NALF2: variants seen among roughly 807,000 people sequenced by gnomAD.
The protein encoded by NALF2 is bB57D9.1 (TED protein).
Under a neutral mutation model 24.8 loss-of-function variants are expected in NALF2, and 1 was observed. The observed-to-expected ratio is 0.04, with a 90% CI of 0.01 to 0.19. NALF2 has a LOEUF of 0.19. Ranked by LOEUF, NALF2 falls within the 10% of genes least tolerant of loss-of-function variation. The pLI, the probability that NALF2 is intolerant of heterozygous loss-of-function variation, is 1.00. For missense variants in NALF2, 458 were observed against 409.6 expected (o/e 1.12, Z -1.02); for synonymous variants, 254 against 189.8 (o/e 1.34, Z -2.78).
In NALF2 at chrX:69,505,246, G is replaced by A; in HGVS notation, c.-37G>A. 1 of 1,112,275 alleles carries A rather than the reference G, an allele frequency of 9.0e-7. No homozygotes were observed. The highest frequency in any genetic ancestry group is 2.1e-5 in the South Asian group (1 of 46,668). 91.7% of individuals were successfully genotyped at this position (1,112,275 alleles called of 1,213,427 possible). A position where few individuals can be genotyped will look rare whatever the true frequency, so the allele number is the denominator to read the frequency against. On this transcript the variant is annotated 5_prime_UTR_variant, in exon 1 of 3. Transcript: ENST00000252338. ...GCCCCAGACGGCCGTCTGGCCTCGC[G>A]CCTGCCTGTTCCCTCCAGCCCGGAC...
chrX:69,517,933 T>G, intron 1 of NALF2, among the ~76,000 whole-genome samples: 1 of 112,711 alleles, frequency 8.9e-6, no homozygotes, highest in Non-Finnish European at 1.9e-5. Flanking sequence ...GGCTGGAGAT[T>G]GCTTCCTGGG....
At chrX:69,507,333 G>A (rs773424414) in intron 1 of NALF2, among the ~76,000 whole-genome samples, 15 of 111,342 alleles carry the variant, frequency 1.3e-4, no homozygotes, top group Non-Finnish European at 2.8e-4. Flanking sequence ...TGGGGCAGAG[G>A]GTTGGGAAGG....
At chrX:69,515,639 G>A in intron 1 of NALF2, among the ~76,000 whole-genome samples, 1 of 112,024 alleles carries the variant, frequency 8.9e-6, no homozygotes, top group Middle Eastern at 4.6e-3. Context: ...TTGTTTATAG[G>A]CCATTTGTCT....
chrX:69,518,368 G>A (rs730138), intron 1 of NALF2, among the ~76,000 whole-genome samples: 7,233 of 110,946 alleles, frequency 0.065, 255 homozygotes, highest in Middle Eastern at 0.11. Flanking sequence ...CTTTATCAAA[G>A]TACTGTATTT....
At chrX:69,509,294 A>G (rs909422942) in intron 1 of NALF2, among the ~76,000 whole-genome samples, 2 of 109,310 alleles carry the variant, frequency 1.8e-5, no homozygotes, top group East Asian at 5.8e-4. Flanking sequence ...GGCCATAGCT[A>G]GGGTTACTGG....
At chrX:69,524,100 C>CTTTT (rs1202940165) in intron 1 of NALF2, among the ~76,000 whole-genome samples, 2 of 93,928 alleles carry the variant, frequency 2.1e-5, no homozygotes, top group South Asian at 5.0e-4. Flanking sequence ...TATTTTTTTT[C>CTTTT]TTTTTTTTTT....
chrX:69,516,547 T>G (rs1930664048), intron 1 of NALF2, among the ~76,000 whole-genome samples: 2 of 112,064 alleles, frequency 1.8e-5, no homozygotes, highest in African/African-American at 6.5e-5. Context: ...TCTGAAGGAA[T>G]GGACTCTGGC....
intron 1 of NALF2, among the ~76,000 whole-genome samples, chrX:69,515,952 C>T (rs1930655537): frequency 8.9e-6 from 1 of 112,214 alleles, no homozygotes; most frequent in African/African-American, 3.2e-5. Context: ...TAAGCTCATC[C>T]AGCTAGTAAG....
chrX:69,527,441 T>C (rs1051658103), intron 1 of NALF2, among the ~76,000 whole-genome samples: 1 of 111,357 alleles, frequency 9.0e-6, no homozygotes, highest in African/African-American at 3.3e-5. Flanking sequence ...ATTTGTAGTT[T>C]AGTGAAAATG....
chrX:69,513,518 TAAG>T (rs994376976), intron 1 of NALF2, among the ~76,000 whole-genome samples: 59 of 112,547 alleles, frequency 5.2e-4, no homozygotes, highest in African/African-American at 1.7e-3. Context: ...TATTTGGTTT[TAAG>T]AAGATAGCAT....
At chrX:69,529,334 G>C (rs1268643675) in intron 2 of NALF2, among the ~76,000 whole-genome samples, 170 bp downstream of exon 2, 14 of 111,387 alleles carry the variant, frequency 1.3e-4, no homozygotes. Flanking sequence ...AAGTGGAATA[G>C]GGAAAAAGAC....
At chrX:69,517,689 G>C (rs1352542386) in intron 1 of NALF2, among the ~76,000 whole-genome samples, 1 of 111,943 alleles carries the variant, frequency 8.9e-6, no homozygotes, top group Non-Finnish European at 1.9e-5. Flanking sequence ...CAGAAGGCAA[G>C]TGGAGGGATT....
Position 69,532,163 on chromosome X carries a change from C to T in NALF2, c.*2207C>T, listed in dbSNP as rs1305572492. On this transcript the variant is annotated 3_prime_UTR_variant, in exon 3 of 3. Transcript: ENST00000252338. The stretch of plus-strand genomic sequence containing the variant: ...CATTTGACTGCCCCCATCCACCCCA[C>T]CACCCTAATCTTCCACCACCTCTCC... 8.9e-6 allele frequency: 1 copy of T among 112,777 alleles called. No individual in the cohort carries two copies. Among genetic ancestry groups the T allele is most frequent in the African/African-American group, 3.2e-5 (1 of 30,883 alleles). 9.3% of individuals were successfully genotyped at this position (112,777 alleles called of 1,213,427 possible). A position where few individuals can be genotyped will look rare whatever the true frequency, so the allele number is the denominator to read the frequency against.
At chrX:69,507,071 C>T (rs908430645) in intron 1 of NALF2, among the ~76,000 whole-genome samples, 5 of 111,934 alleles carry the variant, frequency 4.5e-5, no homozygotes, top group South Asian at 3.8e-4. Flanking sequence ...CCCAGCCTGG[C>T]CAGGTGACCT....
rs1332488580 is a variant in NALF2, at chrX:69,531,127, A to G, written c.*1171A>G. On this transcript the variant is annotated 3_prime_UTR_variant, in exon 3 of 3. Transcript: ENST00000252338. ...ACCCTGTCCCCGTCCCCAGCCTACC[A>G]AAGAGTATTCACACCTTTCCATCCC... 8.9e-6 allele frequency: 1 copy of G among 111,833 alleles called. No homozygotes were observed. Among genetic ancestry groups the G allele is most frequent in the Non-Finnish European group, 1.9e-5 (1 of 53,016 alleles). The allele number at this position is 111,833 out of a possible 1,213,427, so 9.2% of individuals were successfully genotyped here. A position where few individuals can be genotyped will look rare whatever the true frequency, so the allele number is the denominator to read the frequency against.
chrX:69,514,476 G>A (rs968538962), intron 1 of NALF2, among the ~76,000 whole-genome samples: 3 of 111,373 alleles, frequency 2.7e-5, no homozygotes, highest in Admixed American at 9.5e-5. Context: ...GTTGGTGGGC[G>A]TTTGGATTAT....
Position 69,505,526 on chromosome X carries a change from TG to T in NALF2, c.250del (p.Ala84ProfsTer38). On this transcript the variant is annotated frameshift_variant, in exon 1 of 3. Coordinates refer to ENST00000252338, the MANE Select transcript of NALF2 (RefSeq NM_015686.3). LOFTEE classifies it high-confidence loss of function. ...RELSSAMRPP[W>X]GAGRERQPVP... is the part of the protein sequence containing the mutation. ...GCTGAGCAGCGCCATGCGGCCCCCA[TG>T]GGGGGCCGGCCGGGAGCGGCAGCCG... The T allele has an allele frequency of 2.1e-6, 2 of 967,658 alleles. No individual in the cohort carries two copies. The highest frequency in any genetic ancestry group is 2.6e-6 in the Non-Finnish European group (2 of 778,793). 79.7% of individuals were successfully genotyped at this position (967,658 alleles called of 1,213,427 possible).
intron 1 of NALF2, among the ~76,000 whole-genome samples, chrX:69,506,539 C>T: frequency 8.8e-6 from 1 of 113,291 alleles, no homozygotes. Flanking sequence ...CTGGGACTGG[C>T]TGGTGCAGGG....
At chrX:69,520,427 C>T (rs1930718052) in intron 1 of NALF2, among the ~76,000 whole-genome samples, 1 of 111,757 alleles carries the variant, frequency 8.9e-6, no homozygotes, top group Non-Finnish European at 1.9e-5. Context: ...CATGTCACCT[C>T]AACTCACACT....
Sources: allele counts gnomAD v4.1 joint callset (sites outside exome capture counted in the v4.1 genomes callset), GRCh38; gene constraint gnomAD v4.1.1; transcripts MANE v1.5; gene names NCBI Gene and HGNC (gene_info 2026-07-23, HGNC 2026-07-21).